The following RBFOX3 variants were observed in gnomAD, a reference collection of about 807,000 sequenced individuals.
RBFOX3 encodes RNA binding fox-1 homolog 3, also known as RNA binding protein fox-1 homolog 3.
In RBFOX3, 17 loss-of-function variants were observed where a neutral mutation model predicts 48.7. The ratio of observed to expected loss-of-function variants is 0.35; its 90% CI spans 0.24 to 0.52. The LOEUF is 0.52. Ranked by LOEUF, RBFOX3 falls within the 20% of genes least tolerant of loss-of-function variation. The pLI is 0.94. For synonymous variants in RBFOX3, 212 were observed against 209.5 expected (o/e 1.01, Z -0.10); for missense variants, 382 against 497.5 (o/e 0.77, Z 2.21).
chr17:79,259,366 G>C (rs1036392022), intron 3 of RBFOX3, among the ~76,000 whole-genome samples: 7 of 152,202 alleles, frequency 4.6e-5, no homozygotes, highest in African/African-American at 1.7e-4. Flanking sequence ...GGTGTGTTCT[G>C]GGGTCCCTGC....
intron 1 of RBFOX3, among the ~76,000 whole-genome samples, chr17:79,580,763 G>T (rs2093032586): frequency 6.6e-6 from 1 of 152,092 alleles, no homozygotes; most frequent in South Asian, 2.1e-4. Context: ...GAGGAAAGAG[G>T]GATGGATACA....
intron 2 of RBFOX3, among the ~76,000 whole-genome samples, chr17:79,478,398 C>T (rs1215596553): frequency 3.3e-5 from 5 of 152,158 alleles, no homozygotes; most frequent in South Asian, 2.1e-4. Flanking sequence ...CGGCAGCTCC[C>T]GCTCCCATCT....
At chr17:79,432,306 A>G (rs1400224533) in intron 2 of RBFOX3, among the ~76,000 whole-genome samples, 2 of 152,226 alleles carry the variant, frequency 1.3e-5, no homozygotes, top group Non-Finnish European at 2.9e-5. Flanking sequence ...TGTTGGGTGT[A>G]TACCCAGAAG....
chr17:79,503,775 C>T (rs1000192068), intron 1 of RBFOX3, among the ~76,000 whole-genome samples: 3 of 152,150 alleles, frequency 2.0e-5, no homozygotes, highest in Admixed American at 6.5e-5. Flanking sequence ...GTCTTCTGCC[C>T]GGCTCTCCTA....
chr17:79,561,826 G>A (rs1353630418), intron 1 of RBFOX3, among the ~76,000 whole-genome samples: 3 of 152,142 alleles, frequency 2.0e-5, no homozygotes, highest in Non-Finnish European at 4.4e-5. Flanking sequence ...TCAGGCTCCC[G>A]TCCACACCTG....
Position 79,205,470 on chromosome 17 carries a change from G to A in RBFOX3, c.-34+30296C>T, listed in dbSNP as rs558118053. On this transcript the variant is annotated intron_variant, in intron 4 of 14. Transcript: ENST00000693108. This position sits in a 1 kb window ranked among gnomAD's most constrained non-coding sequence, Gnocchi z 4.5. ...CCTGAATATGAGTTCCCTGACGTAG[G>A]AGTGCCAAATGGGAGCCTATAAAAC... Among the ~76,000 whole-genome samples, 1 of 152,202 alleles carries A rather than the reference G, an allele frequency of 6.6e-6. No homozygotes were observed. The highest frequency in any genetic ancestry group is 2.1e-4 in the South Asian group (1 of 4,826).
intron 2 of RBFOX3, among the ~76,000 whole-genome samples, chr17:79,414,404 T>C (rs557382947): frequency 1.3e-5 from 2 of 152,290 alleles, no homozygotes; most frequent in Non-Finnish European, 2.9e-5. Flanking sequence ...CTCCTTTCCA[T>C]AGGAAGATGG....
chr17:79,370,602 A>G (rs943148882), intron 2 of RBFOX3, among the ~76,000 whole-genome samples: 3 of 150,216 alleles, frequency 2.0e-5, no homozygotes, highest in Non-Finnish European at 4.4e-5. Context: ...CACGTCTCTC[A>G]TACACCCTGA....
At chr17:79,330,312 C>T (rs2080046756) in intron 2 of RBFOX3, among the ~76,000 whole-genome samples, 1 of 152,166 alleles carries the variant, frequency 6.6e-6, no homozygotes, top group South Asian at 2.1e-4. Context: ...GTTTCACTGC[C>T]ATGCAGGGGC....
chr17:79,659,516 G>GA, the RBFOX3 span, among the ~76,000 whole-genome samples: 1 of 151,758 alleles, frequency 6.6e-6, no homozygotes, highest in East Asian at 2.0e-4. Flanking sequence ...GGCAGGTGGG[G>GA]AGCGAGAGTG....
At chr17:79,435,148 C>T (rs968791774) in intron 2 of RBFOX3, among the ~76,000 whole-genome samples, 1 of 152,096 alleles carries the variant, frequency 6.6e-6, no homozygotes, top group Non-Finnish European at 1.5e-5. Flanking sequence ...AGCGTGTCTG[C>T]CCCCCACCTC....
At chr17:79,548,320 C>T (rs1555792590) in intron 1 of RBFOX3, among the ~76,000 whole-genome samples, 2 of 152,184 alleles carry the variant, frequency 1.3e-5, no homozygotes, top group Admixed American at 6.5e-5. Context: ...TGGACACACC[C>T]CCACCTCACC....
At chr17:79,124,570 T>C (rs1298304317) in intron 4 of RBFOX3, among the ~76,000 whole-genome samples, 3 of 152,180 alleles carry the variant, frequency 2.0e-5, no homozygotes, top group African/African-American at 7.2e-5. Context: ...TAAAGGCTAA[T>C]GTCCACGTGT....
intron 1 of RBFOX3, among the ~76,000 whole-genome samples, chr17:79,506,531 C>A (rs1432971306): frequency 2.0e-5 from 3 of 152,186 alleles, no homozygotes; most frequent in African/African-American, 7.2e-5. Flanking sequence ...TCCAGTGGCC[C>A]CCTACCTTCC....
At chr17:79,308,573 A>G (rs1163732287) in intron 2 of RBFOX3, among the ~76,000 whole-genome samples, 1 of 152,106 alleles carries the variant, frequency 6.6e-6, no homozygotes, top group Non-Finnish European at 1.5e-5. Context: ...GCAGGGACTG[A>G]GTCTGCCATG....
intron 4 of RBFOX3, among the ~76,000 whole-genome samples, chr17:79,172,473 C>G (rs2049551990): frequency 6.6e-6 from 1 of 152,134 alleles, no homozygotes; most frequent in South Asian, 2.1e-4. Context: ...CCCAGGCCAC[C>G]CTGTCCACGT....
chr17:79,262,304 G>A (rs1002682668), intron 3 of RBFOX3, among the ~76,000 whole-genome samples: 10 of 152,240 alleles, frequency 6.6e-5, no homozygotes, highest in Admixed American at 2.0e-4. Context: ...GGGGGCCCCG[G>A]ACAGGGGCTG....
In RBFOX3 at chr17:79,242,020, A is replaced by G. The variant is rs2062453474; in HGVS notation, c.-73-6215T>C. On this transcript the variant is annotated intron_variant, in intron 3 of 14. Transcript: ENST00000693108. The surrounding 1 kb of genome is among the most constrained non-coding windows in gnomAD (Gnocchi z 5.8). ...ATTTAGTGCAGCACACACAGCTTCCACGTATTCACTCGATTCTTTGCTTTC... is the reference window on the plus strand; with the variant it reads ...ATTTAGTGCAGCACACACAGCTTCCGCGTATTCACTCGATTCTTTGCTTTC... 6.6e-6 allele frequency among the ~76,000 whole-genome samples: 1 copy of G among 152,240 alleles called. No homozygotes were observed. Among genetic ancestry groups the G allele is most frequent in the Non-Finnish European group, 1.5e-5 (1 of 68,048 alleles).
intron 3 of RBFOX3, among the ~76,000 whole-genome samples, chr17:79,284,229 C>G (rs751037298): frequency 6.6e-6 from 1 of 152,220 alleles, no homozygotes; most frequent in East Asian, 1.9e-4. Context: ...AGCATCGGCA[C>G]GAGTGGACAG....
Sources: allele counts gnomAD v4.1 joint callset (sites outside exome capture counted in the v4.1 genomes callset), GRCh38; gene constraint gnomAD v4.1.1; non-coding constraint Gnocchi (gnomAD v3.1); transcripts MANE v1.5; gene names NCBI Gene and HGNC (gene_info 2026-07-23, HGNC 2026-07-21).